RANBP2: variants seen among roughly 807,000 people sequenced by gnomAD.
RANBP2 encodes E3 SUMO-protein ligase RanBP2.
A neutral mutation model predicts 303.6 loss-of-function variants in RANBP2; 57 were observed. The observed-to-expected ratio is 0.19, with a 90% CI of 0.15 to 0.23. The LOEUF is 0.23. Among genes scored for constraint, RANBP2 ranks in the 10% least tolerant of loss-of-function variants. RANBP2 has a pLI of 1.00. For missense variants in RANBP2, 3,138 were observed against 3,780.8 expected (o/e 0.83, Z 4.46); for synonymous variants, 1,167 against 1,301.5 (o/e 0.90, Z 2.23).
the RANBP2 span, among the ~76,000 whole-genome samples, chr2:109,303,629 G>A: frequency 1.3e-5 from 2 of 152,250 alleles, no homozygotes; most frequent in Non-Finnish European, 2.9e-5. Flanking sequence ...AAGTCAGGGA[G>A]GCAACAGAGC....
chr2:109,384,832 A>G, the RANBP2 span, among the ~76,000 whole-genome samples: 1 of 152,026 alleles, frequency 6.6e-6, no homozygotes, highest in Admixed American at 6.5e-5. Context: ...CCTCAGGGTA[A>G]CTCCAACCCG....
chr2:108,778,872 G>T (rs1215220261), intron 25 of RANBP2, among the ~76,000 whole-genome samples: 1 of 151,990 alleles, frequency 6.6e-6, no homozygotes, highest in African/African-American at 2.4e-5. Context: ...GGGACCACAG[G>T]TGTGTACCAC....
chr2:109,455,604 A>C, the RANBP2 span, among the ~76,000 whole-genome samples: 7 of 152,202 alleles, frequency 4.6e-5, no homozygotes, highest in Non-Finnish European at 1.0e-4. Flanking sequence ...ATCCAATCTG[A>C]AGAAATCTTG....
chr2:109,141,536 C>T, the RANBP2 span: 2 of 154,920 alleles, frequency 1.3e-5, no homozygotes, highest in African/African-American at 4.8e-5. Flanking sequence ...GATCACCAGT[C>T]CCCAGGCTGA....
chr2:108,826,810 T>C, the RANBP2 span, among the ~76,000 whole-genome samples: 3 of 152,232 alleles, frequency 2.0e-5, no homozygotes, highest in South Asian at 6.2e-4. Flanking sequence ...AAGGACTGCA[T>C]TGAATCTGTG....
the RANBP2 span, among the ~76,000 whole-genome samples, chr2:109,637,291 A>G: frequency 1.3e-5 from 2 of 152,216 alleles, no homozygotes. Context: ...AATTGAACAA[A>G]TGTACAATCG....
At chr2:109,571,597 A>C in the RANBP2 span, among the ~76,000 whole-genome samples, 1 of 152,202 alleles carries the variant, frequency 6.6e-6, no homozygotes, top group Non-Finnish European at 1.5e-5. Flanking sequence ...AATAAGGTAT[A>C]ATCTTATGGG....
At chr2:108,922,301 C>T in the RANBP2 span, among the ~76,000 whole-genome samples, 26 of 152,362 alleles carry the variant, frequency 1.7e-4, no homozygotes, top group Middle Eastern at 3.4e-3. Flanking sequence ...AGAGGACATG[C>T]GGGCCATGGC....
chr2:109,054,082 T>G, the RANBP2 span, among the ~76,000 whole-genome samples: 14 of 152,082 alleles, frequency 9.2e-5, no homozygotes, highest in Non-Finnish European at 1.9e-4. Flanking sequence ...TGGTGTGGGG[T>G]CTCAGCATGC....
the RANBP2 span, among the ~76,000 whole-genome samples, chr2:109,354,339 G>A: frequency 6.6e-6 from 1 of 152,290 alleles, no homozygotes; most frequent in South Asian, 2.1e-4. Flanking sequence ...GGCCTTCTCT[G>A]GGCTCCAGCT....
rs756659637 is a variant in RANBP2 at position 108,765,020 on chromosome 2, G to T, written c.4481G>T (p.Gly1494Val). 2 of 1,612,520 alleles carry T rather than the reference G, an allele frequency of 1.2e-6. No homozygotes were observed. The highest frequency in any genetic ancestry group is 1.7e-6 in the Non-Finnish European group (2 of 1,179,436). Residue 1494 changes from glycine to valine, a missense_variant, in exon 20 of 29, where the codon GGG (glycine) becomes GTG (valine). Physicochemically the swap from Gly to Val is moderately radical, Grantham distance 109 (BLOSUM62 -3). Coordinates refer to ENST00000283195, the MANE Select transcript of RANBP2 (RefSeq NM_006267.5). ...AGTGCATGTTTGGTACAAAATGAGG[G>T]GAGCTCTACAAAATGTGCTGCTTGT... Reference protein sequence around the residue: ...DCSACLVQNEGSSTKCAACQN... With the variant: ...DCSACLVQNEVSSTKCAACQN...
chr2:109,446,500 A>G, the RANBP2 span, among the ~76,000 whole-genome samples: 1 of 152,194 alleles, frequency 6.6e-6, no homozygotes, highest in Non-Finnish European at 1.5e-5. Flanking sequence ...CTGGAGCTAG[A>G]GCAGGAGCAG....
chr2:108,828,075 A>G, the RANBP2 span, among the ~76,000 whole-genome samples: 1 of 152,132 alleles, frequency 6.6e-6, no homozygotes, highest in Non-Finnish European at 1.5e-5. Context: ...ATGGAGGAAA[A>G]TAGGAATTAT....
the RANBP2 span, among the ~76,000 whole-genome samples, chr2:109,338,078 T>G: frequency 4.7e-4 from 71 of 152,260 alleles, no homozygotes; most frequent in Non-Finnish European, 8.7e-4. Flanking sequence ...TCATGTGATG[T>G]GGAGAACTTT....
chr2:108,861,412 G>A, the RANBP2 span, among the ~76,000 whole-genome samples: 1 of 151,148 alleles, frequency 6.6e-6, no homozygotes. Flanking sequence ...TGTGACATTA[G>A]GTTGTTAATT....
the RANBP2 span, among the ~76,000 whole-genome samples, chr2:109,735,478 ATCTC>A: frequency 0.11 from 16,190 of 147,282 alleles, 1,287 homozygotes; most frequent in African/African-American, 0.24. Context: ...AGTAATGCAG[ATCTC>A]TCTCTCTCTC....
the RANBP2 span, among the ~76,000 whole-genome samples, chr2:109,168,439 G>A: frequency 6.6e-6 from 1 of 152,294 alleles, no homozygotes; most frequent in African/African-American, 2.4e-5. Flanking sequence ...CTGTGCTTGC[G>A]AGATGGGCTC....
the RANBP2 span, among the ~76,000 whole-genome samples, chr2:108,998,704 T>C: frequency 6.6e-6 from 1 of 152,138 alleles, no homozygotes. Context: ...CAAGTGTTCC[T>C]GGATGCAGAC....
the RANBP2 span, among the ~76,000 whole-genome samples, chr2:109,207,528 T>G: frequency 6.6e-6 from 1 of 152,236 alleles, no homozygotes; most frequent in African/African-American, 2.4e-5. Context: ...TGGAATTTCA[T>G]GGTAAAACAG....
Sources: allele counts gnomAD v4.1 joint callset (sites outside exome capture counted in the v4.1 genomes callset), GRCh38; gene constraint gnomAD v4.1.1; transcripts MANE v1.5; gene names NCBI Gene and HGNC (gene_info 2026-07-23, HGNC 2026-07-21).